ANKS1B: variants seen among roughly 807,000 people sequenced by gnomAD.
ANKS1B encodes the protein ankyrin repeat and sterile alpha motif domain-containing protein 1B.
ANKS1B carries 36 observed loss-of-function variants against 148.3 expected under a neutral mutation model. The observed-to-expected ratio is 0.24, with a 90% confidence interval of 0.19 to 0.32. ANKS1B has a LOEUF of 0.32. Among genes scored for constraint, ANKS1B ranks in the 10% least tolerant of loss-of-function variants. The pLI, the probability that ANKS1B is intolerant of heterozygous loss-of-function variation, is 1.00. For missense variants in ANKS1B, 1,157 were observed against 1,542.6 expected (o/e 0.75, Z 4.19); for synonymous variants, 542 against 560.8 (o/e 0.97, Z 0.47).
At chr12:99,207,682 T>C (rs994286674) in intron 14 of ANKS1B, among the ~76,000 whole-genome samples, 1 of 151,996 alleles carries the variant, frequency 6.6e-6, no homozygotes, top group African/African-American at 2.4e-5. Context: ...ATATGAAAGC[T>C]AAAACTAGAA....
chr12:99,100,856 C>G (rs2057747318), intron 15 of ANKS1B, among the ~76,000 whole-genome samples: 1 of 152,156 alleles, frequency 6.6e-6, no homozygotes, highest in Middle Eastern at 3.2e-3. Context: ...TGATGCAGCA[C>G]ATACAATGAT....
chr12:98,796,723 A>G (rs530673509), intron 22 of ANKS1B, among the ~76,000 whole-genome samples: 3 of 152,378 alleles, frequency 2.0e-5, no homozygotes, highest in Admixed American at 2.0e-4. Context: ...TGTAAACTAC[A>G]TAAGCACCAA....
chr12:99,273,018 A>G lies in ANKS1B; in HGVS notation c.1757-26154T>C, dbSNP rs1316302376. ...GTGGGACAGGCATAGGATAACCTCT[A>G]CAGATAGTTGCAATCAAAAGGAGGG... On this transcript the variant is annotated intron_variant, in intron 12 of 26. Coordinates refer to ENST00000683438, the MANE Select transcript of ANKS1B (RefSeq NM_001352186.2). Among the ~76,000 whole-genome samples the G allele has an allele frequency of 5.3e-5, 8 of 152,170 alleles. No homozygotes were observed. The East Asian group carries it at 1.5e-3, about 29-fold the overall frequency.
chr12:99,275,784 G>T (rs2077597772), intron 12 of ANKS1B, among the ~76,000 whole-genome samples: 1 of 152,146 alleles, frequency 6.6e-6, no homozygotes, highest in African/African-American at 2.4e-5. Flanking sequence ...ATGGAAAAAT[G>T]TCATTATCAT....
intron 14 of ANKS1B, chr12:99,154,716 G>A: frequency 7.0e-7 from 1 of 1,437,934 alleles, no homozygotes. Flanking sequence ...TGTCAGCTTG[G>A]GCTGGTCTGC....
intron 12 of ANKS1B, chr12:99,352,232 C>T (rs920821489): frequency 6.6e-6 from 1 of 151,972 alleles, no homozygotes; most frequent in South Asian, 2.1e-4. Context: ...AAAAAAATCC[C>T]TTTAGCAAAT....
intron 17 of ANKS1B, among the ~76,000 whole-genome samples, chr12:98,988,169 A>T (rs1411501427): frequency 6.6e-6 from 1 of 152,196 alleles, no homozygotes; most frequent in African/African-American, 2.4e-5. Context: ...TATTAACTAT[A>T]GTCACCACGT....
In ANKS1B at chr12:99,154,320, A is replaced by C. The variant is rs747472715; in HGVS notation, c.2495T>G (p.Met832Arg). Reference protein sequence around the residue: ...IGLPQYENHLMANGFDNVQFM... With the variant: ...IGLPQYENHLRANGFDNVQFM... ...CTGCACATTGTCAAATCCATTAGCC[A>C]TCAGGTGGTTCTCGTACTGAGGTAG... Residue 832 changes from methionine to arginine, a missense_variant, in exon 15 of 27, where the codon ATG becomes AGG. Around this residue, in one of 6 missense-constraint regions of ANKS1B, gnomAD observed 258 missense variants for 497.0 expected, o/e 0.52. Coordinates refer to ENST00000683438, the MANE Select transcript of ANKS1B (RefSeq NM_001352186.2). 1.3e-5 allele frequency: 21 copies of C among 1,613,614 alleles called. No homozygotes were observed. The highest frequency in any genetic ancestry group is 5.0e-5 in the Admixed American group (3 of 59,982).
chr12:99,880,757 T>C (rs926394458), intron 1 of ANKS1B, among the ~76,000 whole-genome samples: 2 of 152,200 alleles, frequency 1.3e-5, no homozygotes, highest in African/African-American at 2.4e-5. Flanking sequence ...CTATCTTCTT[T>C]GCATGGATTG....
chr12:99,943,032 C>T (rs535789257), intron 1 of ANKS1B, among the ~76,000 whole-genome samples: 43 of 152,210 alleles, frequency 2.8e-4, no homozygotes, highest in African/African-American at 9.4e-4. Flanking sequence ...CAATCCTGAT[C>T]GACAAAATGT....
At chr12:99,935,540 G>A (rs1439258875) in intron 1 of ANKS1B, among the ~76,000 whole-genome samples, 1 of 151,704 alleles carries the variant, frequency 6.6e-6, no homozygotes, top group East Asian at 1.9e-4. Flanking sequence ...AACATCACTG[G>A]TTGCTGACAT....
intron 17 of ANKS1B, among the ~76,000 whole-genome samples, chr12:99,050,557 G>A (rs2099965272): frequency 6.6e-6 from 1 of 152,134 alleles, no homozygotes; most frequent in Non-Finnish European, 1.5e-5. Context: ...TTGGCCTTAA[G>A]GTCTAAGAGA....
rs117151701 is a variant in ANKS1B, at chr12:99,743,739, G to A, written c.1128+29183C>T. 1.8e-4 allele frequency among the ~76,000 whole-genome samples: 28 copies of A among 152,210 alleles called. No homozygotes were observed. The East Asian group carries it at 5.2e-3, about 28-fold the overall frequency. ...TAATAACACTACAATAACTAAGCTC[G>A]TCTCTAACAGATGTATTCTGTGGAA... On this transcript the variant is annotated intron_variant, in intron 8 of 26. Coordinates refer to ENST00000683438, the MANE Select transcript of ANKS1B (RefSeq NM_001352186.2).
At chr12:99,769,204 T>C (rs2062967246) in intron 8 of ANKS1B, among the ~76,000 whole-genome samples, 1 of 152,118 alleles carries the variant, frequency 6.6e-6, no homozygotes, top group South Asian at 2.1e-4. Flanking sequence ...TTCTGACTCA[T>C]CATCTCAGAC....
intron 11 of ANKS1B, among the ~76,000 whole-genome samples, chr12:99,430,467 C>A (rs1479701748): frequency 6.6e-6 from 1 of 152,142 alleles, no homozygotes; most frequent in African/African-American, 2.4e-5. Flanking sequence ...TGAGTCTTAT[C>A]TTCCAAACAC....
Position 99,277,958 on chromosome 12 carries a change from T to C in ANKS1B, c.1757-31094A>G, listed in dbSNP as rs1177462570. Among the ~76,000 whole-genome samples the C allele has an allele frequency of 2.6e-5, 4 of 152,234 alleles. 1 individual carries two copies. In the East Asian group the frequency reaches 5.8e-4, roughly 22 times the overall value. ...TTGTGATCATTCTCAGCAGATTCAC[T>C]TGATTTGTGAGCAAACTGATGAAAG... On this transcript the variant is annotated intron_variant, in intron 12 of 26. Transcript: ENST00000683438.
chr12:99,335,599 G>T (rs1348336340), intron 12 of ANKS1B, among the ~76,000 whole-genome samples: 1 of 151,944 alleles, frequency 6.6e-6, no homozygotes, highest in Non-Finnish European at 1.5e-5. Flanking sequence ...AACATGCAAG[G>T]TTAATCTTTC....
intron 17 of ANKS1B, among the ~76,000 whole-genome samples, chr12:98,999,087 A>G (rs561369368): frequency 1.3e-5 from 2 of 152,362 alleles, no homozygotes; most frequent in South Asian, 4.1e-4. Flanking sequence ...AATACTTACC[A>G]ACTAGCACAC....
chr12:98,867,077 G>T (rs2099628466), intron 17 of ANKS1B, among the ~76,000 whole-genome samples: 1 of 152,182 alleles, frequency 6.6e-6, no homozygotes, highest in African/African-American at 2.4e-5. Context: ...ACTATATGCA[G>T]AAACTGTACA....
Sources: allele counts gnomAD v4.1 joint callset (sites outside exome capture counted in the v4.1 genomes callset), GRCh38; gene constraint gnomAD v4.1.1; regional missense constraint gnomAD v4.1.1; transcripts MANE v1.5; gene names NCBI Gene and HGNC (gene_info 2026-07-23, HGNC 2026-07-21).